Variants in PLCB1 observed in about 807,000 individuals in gnomAD.
PLCB1 encodes 1-phosphatidylinositol 4,5-bisphosphate phosphodiesterase beta-1.
In PLCB1, 46 loss-of-function variants were observed where a neutral mutation model predicts 161.8. That is an observed-to-expected ratio of 0.28 (90% CI 0.22 to 0.36). The LOEUF is 0.36. PLCB1 is among the 10% of genes least tolerant of loss of function. The pLI, the probability that PLCB1 is intolerant of heterozygous loss-of-function variation, is 1.00. For synonymous variants in PLCB1, 517 were observed against 503.7 expected, an observed-to-expected ratio of 1.03 and a Z score of -0.35; for missense variants, 1,016 against 1,472.5, an observed-to-expected ratio of 0.69 and a Z score of 5.07.
chr20:8,367,433 T>C (rs978266740), intron 2 of PLCB1, among the ~76,000 whole-genome samples: 1 of 152,192 alleles, frequency 6.6e-6, no homozygotes, highest in Admixed American at 6.5e-5. Flanking sequence ...AGCAAATCTG[T>C]ATTTTACTAA....
At chr20:8,467,142 T>C (rs1486043918) in intron 3 of PLCB1, among the ~76,000 whole-genome samples, 2 of 152,094 alleles carry the variant, frequency 1.3e-5, no homozygotes, top group Non-Finnish European at 2.9e-5. Context: ...GGTTTCACTA[T>C]GTTGGCCAGG....
At chr20:8,561,835 T>C (rs933849013) in intron 3 of PLCB1, among the ~76,000 whole-genome samples, 2 of 152,042 alleles carry the variant, frequency 1.3e-5, no homozygotes, top group African/African-American at 4.8e-5. Context: ...CATTTAATAG[T>C]GTTTTTCTCT....
chr20:8,404,968 T>A (rs1362759127), intron 3 of PLCB1, among the ~76,000 whole-genome samples: 1 of 152,192 alleles, frequency 6.6e-6, no homozygotes, highest in Admixed American at 6.5e-5. Flanking sequence ...TTAGTCCTAT[T>A]TCCTCTGATA....
intron 3 of PLCB1, among the ~76,000 whole-genome samples, chr20:8,552,272 C>A (rs1209764763): frequency 6.6e-6 from 1 of 152,078 alleles, no homozygotes; most frequent in Non-Finnish European, 1.5e-5. Flanking sequence ...TGGTGCCCAC[C>A]AGACCCAGAT....
At chr20:8,729,238 T>G in intron 18 of PLCB1, 64 bp downstream of exon 18, 1 of 1,400,022 alleles carries the variant, frequency 7.1e-7, no homozygotes, top group Non-Finnish European at 9.5e-7. Context: ...AAAACCATTC[T>G]TACATAATTG....
In PLCB1 at chr20:8,283,353, A is replaced by G. The variant is rs59390759; in HGVS notation, c.178-88029A>G. On this transcript the variant is annotated intron_variant, in intron 2 of 31. Coordinates refer to ENST00000338037, the MANE Select transcript of PLCB1 (RefSeq NM_015192.4). ...AGAAGAAAATAACTATTACCCATAA[A>G]TTCAAAACCTAAAGATACTGTTACC... Among the ~76,000 whole-genome samples the G allele has an allele frequency of 5.0e-3, 768 of 152,182 alleles. 7 individuals are homozygous for G. Among genetic ancestry groups the G allele is most frequent in the African/African-American group, 0.017 (725 of 41,542 alleles).
At chr20:8,338,852 A>G (rs1003761329) in intron 2 of PLCB1, among the ~76,000 whole-genome samples, 2 of 152,162 alleles carry the variant, frequency 1.3e-5, no homozygotes, top group African/African-American at 4.8e-5. Flanking sequence ...CTATTATCTT[A>G]TCATCCAGCT....
intron 3 of PLCB1, among the ~76,000 whole-genome samples, chr20:8,496,005 T>A (rs189025618): frequency 6.6e-6 from 1 of 152,344 alleles, no homozygotes; most frequent in Admixed American, 6.5e-5. Flanking sequence ...TCTGGCAGCC[T>A]CTGAAGGATA....
chr20:8,359,641 A>G (rs1450080851), intron 2 of PLCB1, among the ~76,000 whole-genome samples: 1 of 152,190 alleles, frequency 6.6e-6, no homozygotes, highest in Non-Finnish European at 1.5e-5. Flanking sequence ...ATTACAGGGT[A>G]TTTATGCATA....
Position 8,512,023 on chromosome 20 carries a change from T to C in PLCB1, c.247-116271T>C, listed in dbSNP as rs1345617591. On this transcript the variant is annotated intron_variant, in intron 3 of 31. Transcript: ENST00000338037. ...CAGTCGCACGTTACCACCTGTATGA[T>C]CATTATTTTAAACACAAGCAGGAAA... Among the ~76,000 whole-genome samples the C allele has an allele frequency of 5.9e-5, 9 of 152,238 alleles. No homozygotes were observed. The East Asian group carries it at 1.7e-3, about 29-fold the overall frequency.
At chr20:8,753,395 C>T (rs1981583015) in intron 23 of PLCB1, among the ~76,000 whole-genome samples, 1 of 152,170 alleles carries the variant, frequency 6.6e-6, no homozygotes, top group African/African-American at 2.4e-5. Context: ...GGACCACTGA[C>T]TTAACTTGTA....
At chr20:8,227,877 A>G (rs1979781493) in intron 2 of PLCB1, among the ~76,000 whole-genome samples, 1 of 152,212 alleles carries the variant, frequency 6.6e-6, no homozygotes, top group Non-Finnish European at 1.5e-5. Flanking sequence ...TGGATGAAGC[A>G]AGAGTGACTC....
Position 8,816,912 on chromosome 20 carries a change from C to T in PLCB1, c.3423+26651C>T, listed in dbSNP as rs375014795. On this transcript the variant is annotated intron_variant, in intron 31 of 31. Coordinates refer to ENST00000338037, the MANE Select transcript of PLCB1 (RefSeq NM_015192.4). ...CTTTCCTCTAACTGTTCATCTGGAA[C>T]CACTTCTTTCAAGTGCCCTTTCTAT... Among the ~76,000 whole-genome samples, 323 of 152,308 alleles carry T rather than the reference C, an allele frequency of 2.1e-3. 2 individuals carry two copies. Among genetic ancestry groups the T allele is most frequent in the Non-Finnish European group, 3.4e-3 (233 of 68,028 alleles).
intron 2 of PLCB1, among the ~76,000 whole-genome samples, chr20:8,227,648 T>G (rs1039238139): frequency 1.3e-5 from 2 of 152,202 alleles, no homozygotes; most frequent in Non-Finnish European, 2.9e-5. Context: ...AGCTTAATGT[T>G]GAAACAGCCA....
intron 4 of PLCB1, among the ~76,000 whole-genome samples, chr20:8,637,933 G>A (rs548508587): frequency 1.1e-4 from 17 of 152,178 alleles, no homozygotes; most frequent in African/African-American, 3.1e-4. Flanking sequence ...TCGCTCTGTC[G>A]CCCAGGCTGG....
chr20:8,268,670 G>C (rs1315939541), intron 2 of PLCB1, among the ~76,000 whole-genome samples: 1 of 152,162 alleles, frequency 6.6e-6, no homozygotes, highest in African/African-American at 2.4e-5. Context: ...TAACTAGTGT[G>C]ACATGGTATC....
In PLCB1 at chr20:8,324,332, G is replaced by A. The variant is rs545722343; in HGVS notation, c.178-47050G>A. 5.9e-5 allele frequency among the ~76,000 whole-genome samples: 9 copies of A among 151,968 alleles called. No individual in the cohort carries two copies. The East Asian group carries it at 9.7e-4, about 16-fold the overall frequency. On this transcript the variant is annotated intron_variant, in intron 2 of 31. Transcript: ENST00000338037. ...CATGTATTCAGTTTTGATATTTTCC[G>A]TAAGAGTCAGGCAAAAGTTCCCAAC...
Position 8,146,114 on chromosome 20 carries a change from T to G in PLCB1, c.100-4180T>G, listed in dbSNP as rs1381380574. On this transcript the variant is annotated intron_variant, in intron 1 of 31. Coordinates refer to ENST00000338037, the MANE Select transcript of PLCB1 (RefSeq NM_015192.4). ...TGTTTTTGTTTTTTTTGTTTTTTTT[T>G]TTTTTGGTATAAGGCACAGTTATAC... Among the ~76,000 whole-genome samples the G allele has an allele frequency of 2.6e-5, 4 of 151,880 alleles. No individual in the cohort carries two copies. In the East Asian group the frequency reaches 5.8e-4, roughly 22 times the overall value.
At chr20:8,839,068 A>G (rs1022645302) in intron 31 of PLCB1, among the ~76,000 whole-genome samples, 20 of 152,212 alleles carry the variant, frequency 1.3e-4, no homozygotes, top group Non-Finnish European at 1.5e-4. Flanking sequence ...AGTCCATTAC[A>G]TAGATGACAT....
Sources: gnomAD v4.1 joint callset for allele counts (sites outside exome capture counted in the v4.1 genomes callset) on GRCh38, gnomAD v4.1.1 for gene constraint, MANE v1.5 for transcripts, NCBI Gene and HGNC (gene_info 2026-07-23, HGNC 2026-07-21) for gene names.